RAP1GDS1: variants seen among roughly 807,000 people sequenced by gnomAD.
The protein encoded by RAP1GDS1 is RAP1, GTP-GDP dissociation stimulator 1.
RAP1GDS1 carries 35 observed loss-of-function variants against 71.1 expected under a neutral mutation model. That is an observed-to-expected ratio of 0.49 (90% CI 0.38 to 0.65). The LOEUF (loss-of-function observed/expected upper bound fraction) is 0.65. Among genes scored for constraint, RAP1GDS1 ranks in the 30% least tolerant of loss-of-function variants. The pLI, the probability that RAP1GDS1 is intolerant of heterozygous loss-of-function variation, is 0.00. For synonymous variants in RAP1GDS1, 229 were observed against 243.1 expected, an observed-to-expected ratio of 0.94 and a Z score of 0.54; for missense variants, 663 against 706.1, an observed-to-expected ratio of 0.94 and a Z score of 0.69.
intron 4 of RAP1GDS1, among the ~76,000 whole-genome samples, chr4:98,358,652 AAAGT>A (rs1226294668): frequency 6.6e-6 from 1 of 152,070 alleles, no homozygotes; most frequent in African/African-American, 2.4e-5. Flanking sequence ...GACTAGCATG[AAAGT>A]GAGTATTTTA....
intron 3 of RAP1GDS1, among the ~76,000 whole-genome samples, chr4:98,343,860 A>C (rs930065483): frequency 3.3e-5 from 5 of 152,212 alleles, no homozygotes; most frequent in Non-Finnish European, 5.9e-5. Context: ...ATGTGGTTTT[A>C]ATTCAGTCCG....
chr4:98,413,957 C>A (rs1354238362), intron 7 of RAP1GDS1, among the ~76,000 whole-genome samples: 1 of 152,164 alleles, frequency 6.6e-6, no homozygotes, highest in Admixed American at 6.5e-5. Flanking sequence ...ATTTGCATTT[C>A]TCTGATGGCC....
Position 98,268,222 on chromosome 4 carries a change from C to T in RAP1GDS1, c.4+6653C>T, listed in dbSNP as rs56075971. On this transcript the variant is annotated intron_variant, in intron 1 of 14. Coordinates refer to ENST00000408927, the MANE Select transcript of RAP1GDS1 (RefSeq NM_001100427.2). ...AACAGAATGAAGAACAAAAATCATACGATCATCTCAGTTGATGCAGAAAAA... is the reference window on the plus strand; with the variant it reads ...AACAGAATGAAGAACAAAAATCATATGATCATCTCAGTTGATGCAGAAAAA... 4.9e-3 allele frequency among the ~76,000 whole-genome samples: 753 copies of T among 152,174 alleles called. 7 individuals are homozygous for T. The highest frequency in any genetic ancestry group is 0.018 in the South Asian group (86 of 4,824).
intron 12 of RAP1GDS1, among the ~76,000 whole-genome samples, chr4:98,428,411 G>C (rs778713563): frequency 6.6e-6 from 1 of 152,164 alleles, no homozygotes; most frequent in African/African-American, 2.4e-5. Flanking sequence ...AGAGTAAACA[G>C]ACAACCCACA....
At chr4:98,409,752 T>C (rs1746741309) in intron 7 of RAP1GDS1, 6 of 475,794 alleles carry the variant, frequency 1.3e-5, no homozygotes, top group South Asian at 1.0e-4. Context: ...TCCCTATGAA[T>C]TCATGGCATA....
rs1366940887 is a variant in RAP1GDS1, at chr4:98,335,680, C to G, written c.113-7459C>G. 2.6e-5 allele frequency among the ~76,000 whole-genome samples: 4 copies of G among 150,988 alleles called. No individual in the cohort carries two copies. The East Asian group carries it at 7.8e-4, about 29-fold the overall frequency. On this transcript the variant is annotated intron_variant, in intron 2 of 14. Coordinates refer to ENST00000408927, the MANE Select transcript of RAP1GDS1 (RefSeq NM_001100427.2). Reference sequence around the variant, plus strand: ...ATATTATTAATGACTATATAATGTTCTTTTAGAATGCTAGACCGTAGTGAT... The same window carrying G: ...ATATTATTAATGACTATATAATGTTGTTTTAGAATGCTAGACCGTAGTGAT...
At chr4:98,408,178 G>A (rs1426910050) in intron 7 of RAP1GDS1, among the ~76,000 whole-genome samples, 3 of 151,536 alleles carry the variant, frequency 2.0e-5, no homozygotes, top group Non-Finnish European at 4.4e-5. Flanking sequence ...GCACCATCTC[G>A]GCTCACTGCA....
chr4:98,353,644 A>T (rs931542633), intron 4 of RAP1GDS1, among the ~76,000 whole-genome samples: 1 of 152,222 alleles, frequency 6.6e-6, no homozygotes, highest in Non-Finnish European at 1.5e-5. Context: ...TACAATAGCC[A>T]TAAGTATTGA....
chr4:98,338,463 TG>T (rs982415606), intron 2 of RAP1GDS1, among the ~76,000 whole-genome samples: 4 of 152,186 alleles, frequency 2.6e-5, no homozygotes, highest in Non-Finnish European at 5.9e-5. Context: ...TAAGTCTCTT[TG>T]TTACACCCTA....
At chr4:98,345,013 TG>T (rs2110401911) in intron 3 of RAP1GDS1, among the ~76,000 whole-genome samples, 1 of 152,244 alleles carries the variant, frequency 6.6e-6, no homozygotes, top group South Asian at 2.1e-4. Flanking sequence ...TATTATTTTT[TG>T]TAAAGACAAG....
intron 4 of RAP1GDS1, among the ~76,000 whole-genome samples, chr4:98,361,499 T>C (rs1277665527): frequency 1.3e-5 from 2 of 152,112 alleles, no homozygotes; most frequent in East Asian, 3.8e-4. Context: ...TAAAGAAAGC[T>C]TTAGTAATTT....
intron 6 of RAP1GDS1, among the ~76,000 whole-genome samples, chr4:98,401,916 T>C (rs1745470510): frequency 6.6e-6 from 1 of 152,172 alleles, no homozygotes; most frequent in Non-Finnish European, 1.5e-5. Flanking sequence ...ACTATTATTT[T>C]AAAGAAGAGT....
Position 98,301,139 on chromosome 4 carries a change from T to C in RAP1GDS1, c.112+7624T>C, listed in dbSNP as rs529214582. Among the ~76,000 whole-genome samples the C allele has an allele frequency of 5.9e-5, 9 of 152,310 alleles. No homozygotes were observed. In the South Asian group the frequency reaches 1.9e-3, roughly 32 times the overall value. ...CTTTTTATCTAGTGTTATCAAATGT[T>C]CCACAGAAGTGATGTATTTCTTTTG... On this transcript the variant is annotated intron_variant, in intron 2 of 14. Coordinates refer to ENST00000408927, the MANE Select transcript of RAP1GDS1 (RefSeq NM_001100427.2).
chr4:98,441,500 G>T, intron 14 of RAP1GDS1: 1 of 984,568 alleles, frequency 1.0e-6, no homozygotes, highest in Non-Finnish European at 1.2e-6. Flanking sequence ...TGGTGATAGG[G>T]TTGTATGTAA....
At chr4:98,333,266 G>A (rs190374787) in intron 2 of RAP1GDS1, among the ~76,000 whole-genome samples, 31 of 151,766 alleles carry the variant, frequency 2.0e-4, no homozygotes, top group Non-Finnish European at 3.7e-4. Flanking sequence ...TGCTTTCATC[G>A]AAAACACATT....
At chr4:98,295,869 CA>C (rs1465270967) in intron 2 of RAP1GDS1, among the ~76,000 whole-genome samples, 3 of 151,908 alleles carry the variant, frequency 2.0e-5, no homozygotes, top group Admixed American at 2.0e-4. Flanking sequence ...TTTATAAAGT[CA>C]GCATATGCCT....
intron 13 of RAP1GDS1, among the ~76,000 whole-genome samples, chr4:98,436,322 A>T (rs1350721858): frequency 6.6e-6 from 1 of 152,102 alleles, no homozygotes; most frequent in Non-Finnish European, 1.5e-5. Flanking sequence ...TGCTATCTTG[A>T]TTACTGTAGC....
chr4:98,349,395 T>C (rs1344300616), intron 3 of RAP1GDS1, among the ~76,000 whole-genome samples: 1 of 152,146 alleles, frequency 6.6e-6, no homozygotes, highest in Non-Finnish European at 1.5e-5. Flanking sequence ...TGAAGTCAGG[T>C]AGTGTGATGC....
chr4:98,408,856 A>T (rs779445202), intron 7 of RAP1GDS1, among the ~76,000 whole-genome samples: 67 of 152,176 alleles, frequency 4.4e-4, no homozygotes, highest in Non-Finnish European at 3.8e-4. Flanking sequence ...TATTTTTAAA[A>T]ACTTAGGAAA....
Sources: gnomAD v4.1 joint callset for allele counts (sites outside exome capture counted in the v4.1 genomes callset) on GRCh38, gnomAD v4.1.1 for gene constraint, MANE v1.5 for transcripts, NCBI Gene and HGNC (gene_info 2026-07-23, HGNC 2026-07-21) for gene names.